Variants in XPNPEP1 observed in about 807,000 individuals in gnomAD.
XPNPEP1 encodes X-prolyl aminopeptidase 1.
XPNPEP1 carries 39 observed loss-of-function variants against 92.4 expected under a neutral mutation model. That is an observed-to-expected ratio of 0.42 (90% CI 0.33 to 0.55). The LOEUF (loss-of-function observed/expected upper bound fraction) is 0.55, where lower values mean the gene tolerates loss of function less well. XPNPEP1 is among the 20% of genes least tolerant of loss of function. The probability of loss-of-function intolerance (pLI) is 0.08; values close to 1 mark genes in which losing one functional copy is unlikely to be tolerated. For synonymous variants in XPNPEP1, 307 were observed against 299.4 expected, an observed-to-expected ratio of 1.03 and a Z score of -0.26; for missense variants, 654 against 856.1, an observed-to-expected ratio of 0.76 and a Z score of 2.95.
chr10:109,890,027 C>T (rs1848611218), intron 5 of XPNPEP1, among the ~76,000 whole-genome samples: 1 of 152,174 alleles, frequency 6.6e-6, no homozygotes, highest in East Asian at 1.9e-4. Flanking sequence ...CATGTCATTT[C>T]CTAGCAGACA....
At chr10:109,884,906 A>G (rs1241580052) in intron 8 of XPNPEP1, among the ~76,000 whole-genome samples, 1 of 152,164 alleles carries the variant, frequency 6.6e-6, no homozygotes, top group African/African-American at 2.4e-5. Flanking sequence ...TAAAAGTATA[A>G]CCTCTATTTT....
chr10:109,916,239 G>C (rs1424998366), intron 1 of XPNPEP1, among the ~76,000 whole-genome samples: 2 of 152,190 alleles, frequency 1.3e-5, no homozygotes, highest in African/African-American at 4.8e-5. Flanking sequence ...CCTAAAAAGA[G>C]TGAGGAAGCA....
At chr10:109,910,576 A>G (rs1008677682) in intron 2 of XPNPEP1, among the ~76,000 whole-genome samples, 2 of 152,060 alleles carry the variant, frequency 1.3e-5, no homozygotes, top group Non-Finnish European at 2.9e-5. Flanking sequence ...TATGCATTTA[A>G]GGTTCCTCTA....
intron 1 of XPNPEP1, 79 bp downstream of exon 1, chr10:109,923,323 C>T (rs1463159708): frequency 1.5e-6 from 2 of 1,345,108 alleles, no homozygotes; most frequent in Non-Finnish European, 9.6e-7. Context: ...CGTCCCTGCC[C>T]GCCGAGGTGC....
chr10:109,882,046 T>C (rs760816739), intron 10 of XPNPEP1, among the ~76,000 whole-genome samples: 1 of 152,230 alleles, frequency 6.6e-6, no homozygotes, highest in Non-Finnish European at 1.5e-5. Flanking sequence ...TGTACCCTTA[T>C]TCACTTAGTA....
In XPNPEP1 at chr10:109,878,016, C is replaced by T. The variant is rs1343801128; in HGVS notation, c.1225G>A (p.Ala409Thr). 4 of 1,614,094 alleles carry T rather than the reference C, an allele frequency of 2.5e-6. No homozygotes were observed. Among genetic ancestry groups the T allele is most frequent in the Non-Finnish European group, 2.5e-6 (3 of 1,180,040 alleles). Residue 409 changes from alanine to threonine, a missense_variant, in exon 13 of 21, where the codon GCT becomes ACT. By Grantham distance (58) the Ala-to-Thr change is moderately conservative. Coordinates refer to ENST00000502935, the MANE Select transcript of XPNPEP1 (RefSeq NM_020383.4). ...GVTEISAADKAEEFRRQQADF... is the reference protein window; with the variant it reads ...GVTEISAADKTEEFRRQQADF... The stretch of plus-strand genomic sequence containing the variant: ...GATCCTTACCTGCGAAACTCCTCAG[C>T]TTTGTCAGCAGCTGAGATCTCTGTC...
At chr10:109,873,596 G>T (rs370030386) in intron 15 of XPNPEP1, 169 bp from the exon 16 acceptor site, 1 of 667,774 alleles carries the variant, frequency 1.5e-6, no homozygotes, top group African/African-American at 1.8e-5. Context: ...GTTAAATATA[G>T]TCACCATATG....
At chr10:109,904,406 C>T (rs111485280) in intron 3 of XPNPEP1, among the ~76,000 whole-genome samples, 30 of 152,098 alleles carry the variant, frequency 2.0e-4, no homozygotes, top group African/African-American at 6.8e-4. Context: ...GACCCATCAT[C>T]GGATGAAAAG....
chr10:109,876,234 A>T (rs185054245), intron 14 of XPNPEP1: 1 of 152,568 alleles, frequency 6.6e-6, no homozygotes, highest in African/African-American at 2.4e-5. Context: ...CACCGTTTTC[A>T]AAACAATATC....
intron 9 of XPNPEP1, 37 bp from the exon 10 acceptor site, chr10:109,882,679 G>A: frequency 1.2e-6 from 2 of 1,608,348 alleles, no homozygotes; most frequent in Non-Finnish European, 1.7e-6. Context: ...AGAAAAAGGA[G>A]GGAACATGAG....
intron 8 of XPNPEP1, among the ~76,000 whole-genome samples, chr10:109,885,699 C>T (rs1848351047): frequency 6.6e-6 from 1 of 152,222 alleles, no homozygotes; most frequent in African/African-American, 2.4e-5. Flanking sequence ...CAGGAAGGTT[C>T]AACCAGATTC....
At chr10:109,870,178 G>T in intron 18 of XPNPEP1, 149 bp from the exon 19 acceptor site, 1 of 862,966 alleles carries the variant, frequency 1.2e-6, no homozygotes, top group Non-Finnish European at 1.8e-6. Flanking sequence ...GCCTAGAGAT[G>T]CCACCTTCTC....
Position 109,868,673 on chromosome 10 carries a change from G to A in XPNPEP1, c.1813C>T (p.Leu605=), listed in dbSNP as rs1375278304. 5 of 1,613,980 alleles carry A rather than the reference G, an allele frequency of 3.1e-6. No individual in the cohort carries two copies. Among genetic ancestry groups the A allele is most frequent in the Non-Finnish European group, 4.2e-6 (5 of 1,179,980 alleles). Residue 605 remains leucine (L), a synonymous_variant, in exon 20 of 21, where the codon CTA becomes TTA. Transcript: ENST00000502935. ...TTGGTCTGAATTGGAACCAATGTTA[G>A]AGGTTCAAAGGTCAGGCTTCCCCGG... The part of the protein sequence containing the change: ...NNRGSLTFEP[L]TLVPIQTKMI...
At chr10:109,919,692 T>C (rs1163638425) in intron 1 of XPNPEP1, among the ~76,000 whole-genome samples, 1 of 152,224 alleles carries the variant, frequency 6.6e-6, no homozygotes, top group Non-Finnish European at 1.5e-5. Context: ...AACTGATAAA[T>C]GGATAAATAA....
chr10:109,884,242 G>A (rs1848266471), intron 8 of XPNPEP1, 94 bp from the exon 9 acceptor site: 3 of 1,213,376 alleles, frequency 2.5e-6, no homozygotes, highest in African/African-American at 1.5e-5. Flanking sequence ...TTGGAGTCCA[G>A]CTGCTGCGCA....
intron 16 of XPNPEP1, 122 bp from the exon 17 acceptor site, chr10:109,871,983 G>T: frequency 2.1e-6 from 2 of 971,390 alleles, no homozygotes; most frequent in Non-Finnish European, 3.0e-6. Context: ...GAAAATGTAA[G>T]TAAAAAGAAA....
intron 3 of XPNPEP1, among the ~76,000 whole-genome samples, chr10:109,898,280 T>C (rs945142708): frequency 5.9e-5 from 9 of 152,216 alleles, no homozygotes; most frequent in African/African-American, 2.2e-4. Flanking sequence ...AATTAGCGCA[T>C]GCCGAACATC....
intron 19 of XPNPEP1, 50 bp from the exon 20 acceptor site, chr10:109,868,762 G>A: frequency 6.5e-7 from 1 of 1,539,744 alleles, no homozygotes; most frequent in Non-Finnish European, 9.0e-7. Flanking sequence ...TTACTATGCT[G>A]AAGCACCATG....
chr10:109,901,488 C>T (rs182200196), intron 3 of XPNPEP1, among the ~76,000 whole-genome samples: 3 of 152,230 alleles, frequency 2.0e-5, no homozygotes, highest in Middle Eastern at 3.4e-3. Flanking sequence ...GTTCACGTTC[C>T]AATTTAAATC....
Sources: allele counts gnomAD v4.1 joint callset (sites outside exome capture counted in the v4.1 genomes callset), GRCh38; gene constraint gnomAD v4.1.1; transcripts MANE v1.5; gene names NCBI Gene and HGNC (gene_info 2026-07-23, HGNC 2026-07-21).